Variants in CALN1 observed in about 807,000 individuals in gnomAD.
The protein encoded by CALN1 is calcium-binding protein 8.
In CALN1, 17 loss-of-function variants were observed where a neutral mutation model predicts 30.6. The ratio of observed to expected loss-of-function variants is 0.56; its 90% CI spans 0.38 to 0.83. The LOEUF (loss-of-function observed/expected upper bound fraction) is 0.83, where lower values mean the gene tolerates loss of function less well. Among genes scored for constraint, CALN1 ranks in the 40% least tolerant of loss-of-function variants. The probability of loss-of-function intolerance (pLI) is 0.00; values close to 1 mark genes in which losing one functional copy is unlikely to be tolerated. For synonymous variants in CALN1, 156 were observed against 131.4 expected (o/e 1.19, Z -1.28); for missense variants, 291 against 354.9 (o/e 0.82, Z 1.45).
chr7:72,069,228 G>A (rs1804228314), intron 4 of CALN1, among the ~76,000 whole-genome samples: 1 of 152,196 alleles, frequency 6.6e-6, no homozygotes, highest in African/African-American at 2.4e-5. Flanking sequence ...TCACAGCCAG[G>A]TAATGGGTCC....
At chr7:72,003,146 A>G (rs1230445188) in intron 5 of CALN1, among the ~76,000 whole-genome samples, 4 of 152,210 alleles carry the variant, frequency 2.6e-5, no homozygotes, top group Non-Finnish European at 4.4e-5. Context: ...ATAAATCTAT[A>G]CAATTTTTAT....
intron 5 of CALN1, among the ~76,000 whole-genome samples, chr7:72,014,965 G>C (rs1800295326): frequency 6.6e-6 from 1 of 152,120 alleles, no homozygotes; most frequent in African/African-American, 2.4e-5. Context: ...TCCAGCCTTT[G>C]TTAGCTTTTT....
At chr7:71,966,185 G>A (rs538481474) in intron 5 of CALN1, among the ~76,000 whole-genome samples, 2 of 152,300 alleles carry the variant, frequency 1.3e-5, no homozygotes, top group South Asian at 4.1e-4. Context: ...AGTCAACTCT[G>A]TCACCATAAA....
At chr7:71,889,321 T>A (rs186767809) in intron 5 of CALN1, among the ~76,000 whole-genome samples, 1 of 152,288 alleles carries the variant, frequency 6.6e-6, no homozygotes, top group East Asian at 1.9e-4. Context: ...TTTTATTTAT[T>A]TATTTTAAGA....
In CALN1 at chr7:72,187,351, T is replaced by G. The variant is rs558209230; in HGVS notation, c.245-81057A>C. Among the ~76,000 whole-genome samples, 173 of 152,262 alleles carry G rather than the reference T, an allele frequency of 1.1e-3. 1 individual carries two copies. The highest frequency in any genetic ancestry group is 0.011 in the Admixed American group (173 of 15,290). On this transcript the variant is annotated intron_variant, in intron 3 of 6. Transcript: ENST00000395275. ...TGCAGATTAGTAGCATCTGGTGGAA[T>G]GCAATCATTGTCTAGGACAGATGAT...
intron 4 of CALN1, among the ~76,000 whole-genome samples, chr7:72,101,114 G>A (rs1281506221): frequency 6.6e-6 from 1 of 151,850 alleles, no homozygotes; most frequent in Non-Finnish European, 1.5e-5. Context: ...CAGGCACATG[G>A]TACCATGCCT....
chr7:72,091,491 C>G (rs1036512151), intron 4 of CALN1, among the ~76,000 whole-genome samples: 1 of 152,174 alleles, frequency 6.6e-6, no homozygotes, highest in Non-Finnish European at 1.5e-5. Context: ...ATGCTTGTAT[C>G]AAAATATCAC....
At chr7:72,121,197 A>T (rs190738051) in intron 3 of CALN1, among the ~76,000 whole-genome samples, 477 of 144,284 alleles carry the variant, frequency 3.3e-3, no homozygotes, top group African/African-American at 0.011. Context: ...GTATTATATT[A>T]TATATAATTC....
chr7:72,343,172 G>A (rs1220352778), intron 2 of CALN1, among the ~76,000 whole-genome samples: 1 of 152,168 alleles, frequency 6.6e-6, no homozygotes, highest in Non-Finnish European at 1.5e-5. Flanking sequence ...ACTCTTGGAG[G>A]AAACATGAAG....
chr7:72,262,401 T>C (rs547892009), intron 3 of CALN1, among the ~76,000 whole-genome samples: 4 of 152,240 alleles, frequency 2.6e-5, no homozygotes, highest in Admixed American at 6.5e-5. Context: ...GTTAGTTACA[T>C]GGATATATTG....
At chr7:72,214,727 T>A (rs1792650612) in intron 3 of CALN1, among the ~76,000 whole-genome samples, 1 of 151,878 alleles carries the variant, frequency 6.6e-6, no homozygotes, top group Non-Finnish European at 1.5e-5. Context: ...GGTGCAGAAG[T>A]GAAGCTTCAT....
intron 5 of CALN1, among the ~76,000 whole-genome samples, chr7:72,004,397 T>C (rs1470361542): frequency 5.3e-5 from 8 of 152,174 alleles, no homozygotes; most frequent in Non-Finnish European, 7.3e-5. Context: ...TTCTGGATCA[T>C]GGACTTAAAT....
intron 3 of CALN1, among the ~76,000 whole-genome samples, chr7:72,198,672 G>C (rs541800734): frequency 6.6e-6 from 1 of 151,752 alleles, no homozygotes. Flanking sequence ...ACCTAAAAAA[G>C]AAAAAGGGAT....
intron 5 of CALN1, among the ~76,000 whole-genome samples, chr7:71,967,625 C>CAAA (rs761089148): frequency 1.4e-5 from 1 of 70,354 alleles, no homozygotes; most frequent in African/African-American, 4.9e-5. Flanking sequence ...GACCCTGTTT[C>CAAA]AAAAAAAAAA....
intron 2 of CALN1, among the ~76,000 whole-genome samples, chr7:72,303,410 A>C (rs932793256): frequency 6.6e-6 from 1 of 151,968 alleles, no homozygotes. Context: ...TAAAAATACA[A>C]GCCAGGCGTG....
intron 1 of CALN1, among the ~76,000 whole-genome samples, chr7:72,406,614 GC>G (rs1562953824): frequency 1.7e-5 from 1 of 59,884 alleles, no homozygotes; most frequent in Non-Finnish European, 2.9e-5. Context: ...GTCCTTGTCA[GC>G]TTTTTTTTTT....
intron 1 of CALN1, among the ~76,000 whole-genome samples, chr7:72,439,062 C>T (rs1482443738): frequency 2.0e-5 from 3 of 152,112 alleles, no homozygotes; most frequent in African/African-American, 4.8e-5. Flanking sequence ...CTGGAGACAG[C>T]GCATCACTCT....
At chr7:72,438,747 TC>T (rs959518274) in intron 1 of CALN1, among the ~76,000 whole-genome samples, 11 of 152,142 alleles carry the variant, frequency 7.2e-5, no homozygotes, top group African/African-American at 2.7e-4. Context: ...CATTTAACAC[TC>T]CATCCTCTCC....
chr7:71,844,584 C>T (rs1043121263), intron 5 of CALN1, among the ~76,000 whole-genome samples: 3 of 152,082 alleles, frequency 2.0e-5, no homozygotes, highest in African/African-American at 7.2e-5. Context: ...GGGAACATAT[C>T]ACAATAACTA....
Sources: allele counts gnomAD v4.1 joint callset (sites outside exome capture counted in the v4.1 genomes callset), GRCh38; gene constraint gnomAD v4.1.1; transcripts MANE v1.5; gene names NCBI Gene and HGNC (gene_info 2026-07-23, HGNC 2026-07-21).